The following TMEM117 variants were observed in gnomAD, a reference collection of about 807,000 sequenced individuals.
TMEM117 encodes transmembrane protein 117.
TMEM117 carries 27 observed loss-of-function variants against 52.4 expected under a neutral mutation model. The ratio of observed to expected loss-of-function variants is 0.51; its 90% CI spans 0.38 to 0.71. TMEM117 has a LOEUF of 0.71. Ranked by LOEUF, TMEM117 falls within the 30% of genes least tolerant of loss-of-function variation. TMEM117 has a pLI of 0.00. For synonymous variants in TMEM117, 215 were observed against 206.3 expected, an observed-to-expected ratio of 1.04 and a Z score of -0.36; for missense variants, 556 against 630.5, an observed-to-expected ratio of 0.88 and a Z score of 1.26.
At chr12:44,171,614 C>T (rs1033085611) in intron 4 of TMEM117, among the ~76,000 whole-genome samples, 1 of 152,138 alleles carries the variant, frequency 6.6e-6, no homozygotes, top group Non-Finnish European at 1.5e-5. Context: ...CCAAGTTATG[C>T]TTCTCAGCAA....
chr12:43,984,968 C>A (rs558875820), intron 3 of TMEM117, among the ~76,000 whole-genome samples: 1 of 151,888 alleles, frequency 6.6e-6, no homozygotes, highest in Non-Finnish European at 1.5e-5. Flanking sequence ...GAAATAAGTT[C>A]CTGTGTGATG....
At chr12:44,121,902 T>G (rs1324676606) in intron 3 of TMEM117, among the ~76,000 whole-genome samples, 1 of 152,140 alleles carries the variant, frequency 6.6e-6, no homozygotes, top group Non-Finnish European at 1.5e-5. Context: ...CTCTTCTTTG[T>G]GTCCATTGTA....
chr12:44,049,443 T>TA (rs1020050113), intron 3 of TMEM117, among the ~76,000 whole-genome samples: 1 of 151,538 alleles, frequency 6.6e-6, no homozygotes, highest in African/African-American at 2.4e-5. Context: ...GGAAGGAACT[T>TA]AGAGGATGGG....
chr12:44,285,071 C>T (rs937155307), intron 5 of TMEM117, among the ~76,000 whole-genome samples: 3 of 152,290 alleles, frequency 2.0e-5, no homozygotes, highest in Non-Finnish European at 4.4e-5. Context: ...CTGCAGAACT[C>T]CAGGGGACTT....
At position 44,096,161 on chromosome 12, in the gene TMEM117, A is replaced by G. The variant is rs533369205; in HGVS notation, c.411-47364A>G. The stretch of plus-strand genomic sequence containing the variant: ...CCTAGGAATCCAACTTACAAGGGAC[A>G]TGAAGGACTTCTTCAAGGAGAACTA... On this transcript the variant is annotated intron_variant, in intron 3 of 7. Coordinates refer to ENST00000266534, the MANE Select transcript of TMEM117 (RefSeq NM_032256.3). Among the ~76,000 whole-genome samples the G allele has an allele frequency of 3.9e-4, 59 of 152,274 alleles. No homozygotes were observed. In the East Asian group the frequency reaches 6.0e-3, roughly 15 times the overall value.
upstream of TMEM117, chr12:43,835,835 G>C (rs1943016067): frequency 6.6e-6 from 1 of 152,012 alleles, no homozygotes; most frequent in South Asian, 2.1e-4. Context: ...GTCAGCCCGT[G>C]GTGCGGGCGA....
chr12:44,178,472 G>A (rs1247543741), intron 4 of TMEM117, among the ~76,000 whole-genome samples: 2 of 152,098 alleles, frequency 1.3e-5, no homozygotes, highest in Admixed American at 6.6e-5. Context: ...TCACCTGCAG[G>A]TTTGATATGC....
chr12:44,386,375 A>G (rs1292014864), intron 7 of TMEM117, among the ~76,000 whole-genome samples: 1 of 152,188 alleles, frequency 6.6e-6, no homozygotes, highest in Admixed American at 6.6e-5. Context: ...ATCTGAGACA[A>G]CATTCCCAAT....
chr12:44,299,608 G>C lies in TMEM117; in HGVS notation c.637G>C (p.Val213Leu). The C allele has an allele frequency of 1.2e-6, 2 of 1,614,130 alleles. No homozygotes were observed. Among genetic ancestry groups the C allele is most frequent in the Non-Finnish European group, 1.7e-6 (2 of 1,180,022 alleles). The change falls in exon 6 of 8, where the codon GTT (valine) becomes CTT (leucine). Residue 213 changes from valine to leucine, a missense_variant. This residue lies in a region of TMEM117 where 328 missense variants were observed against 371.4 expected (regional missense o/e 0.88). Transcript: ENST00000266534. ...AGTTCTTTTTACTCTGACGTCTGTGGTTGTACTTGTGATTACAACGGACTG... is the reference window on the plus strand; with the variant it reads ...AGTTCTTTTTACTCTGACGTCTGTGCTTGTACTTGTGATTACAACGGACTG... Reference protein sequence around the residue: ...WTVLFTLTSVVVLVITTDWIS... With the variant: ...WTVLFTLTSVLVLVITTDWIS...
chr12:43,923,275 C>T (rs1029273239), intron 2 of TMEM117, among the ~76,000 whole-genome samples: 5 of 151,832 alleles, frequency 3.3e-5, no homozygotes, highest in African/African-American at 1.2e-4. Flanking sequence ...ATGAGGTGGC[C>T]CATTATAGTG....
intron 3 of TMEM117, among the ~76,000 whole-genome samples, chr12:44,121,405 A>G (rs1344056753): frequency 2.6e-5 from 4 of 152,174 alleles, no homozygotes; most frequent in Non-Finnish European, 4.4e-5. Context: ...TGATACTGCA[A>G]TGCCAACCCC....
intron 2 of TMEM117, among the ~76,000 whole-genome samples, chr12:43,887,158 C>CT (rs1297195950): frequency 1.3e-5 from 2 of 152,112 alleles, no homozygotes; most frequent in South Asian, 2.1e-4. Context: ...CTGGGCCTCA[C>CT]TTATTTTCAG....
At chr12:43,806,441 G>C in the TMEM117 span, 6 of 1,090,236 alleles carry the variant, frequency 5.5e-6, no homozygotes, top group Non-Finnish European at 6.8e-6. Flanking sequence ...GCCGGGCTGC[G>C]GTCCAGCCCC....
intron 3 of TMEM117, among the ~76,000 whole-genome samples, chr12:43,954,109 G>C (rs1945268247): frequency 6.6e-6 from 1 of 152,146 alleles, no homozygotes; most frequent in Non-Finnish European, 1.5e-5. Context: ...AAACCAAAAA[G>C]AGCAAAGAAA....
At chr12:44,368,994 C>T (rs770842220) in intron 6 of TMEM117, among the ~76,000 whole-genome samples, 2 of 152,032 alleles carry the variant, frequency 1.3e-5, no homozygotes, top group Non-Finnish European at 2.9e-5. Flanking sequence ...AGACTTTGCA[C>T]TAACTTTAGT....
At chr12:44,047,603 A>G (rs1458361478) in intron 3 of TMEM117, among the ~76,000 whole-genome samples, 1 of 152,154 alleles carries the variant, frequency 6.6e-6, no homozygotes, top group Non-Finnish European at 1.5e-5. Context: ...TTTTTAAAAA[A>G]TTCTTGCTTT....
intron 3 of TMEM117, among the ~76,000 whole-genome samples, chr12:44,143,279 C>G (rs1306491893): frequency 6.6e-6 from 1 of 152,222 alleles, no homozygotes; most frequent in African/African-American, 2.4e-5. Flanking sequence ...ATTAGTCGTA[C>G]AGCTCAAATA....
chr12:44,387,997 A>G, intron 7 of TMEM117, 29 bp from the exon 8 acceptor site: 2 of 1,572,762 alleles, frequency 1.3e-6, no homozygotes, highest in Non-Finnish European at 1.7e-6. Flanking sequence ...TGGCCCTTTG[A>G]TTAATGCAGT....
intron 2 of TMEM117, among the ~76,000 whole-genome samples, chr12:43,861,343 C>T (rs552346177): frequency 6.6e-6 from 1 of 152,282 alleles, no homozygotes; most frequent in East Asian, 1.9e-4. Context: ...ACAGACCTCT[C>T]AGATTCTTTC....
Sources: allele counts gnomAD v4.1 joint callset (sites outside exome capture counted in the v4.1 genomes callset), GRCh38; gene constraint gnomAD v4.1.1; regional missense constraint gnomAD v4.1.1; transcripts MANE v1.5; gene names NCBI Gene and HGNC (gene_info 2026-07-23, HGNC 2026-07-21).